TAF3: variants seen among roughly 807,000 people sequenced by gnomAD.
TAF3 encodes transcription initiation factor TFIID subunit 3.
Under a neutral mutation model 80.6 loss-of-function variants are expected in TAF3, and 7 were observed. The observed-to-expected ratio is 0.09, with a 90% CI of 0.05 to 0.16. The LOEUF (loss-of-function observed/expected upper bound fraction) is 0.16, where lower values mean the gene tolerates loss of function less well. Ranked by LOEUF, TAF3 falls within the 10% of genes least tolerant of loss-of-function variation. TAF3 has a pLI of 1.00. For synonymous variants in TAF3, 444 were observed against 446.1 expected (o/e 1.00, Z 0.06); for missense variants, 921 against 1,140.2 (o/e 0.81, Z 2.77).
chr10:8,007,808 A>G (rs12778847), intron 4 of TAF3, among the ~76,000 whole-genome samples: 9,221 of 151,736 alleles, frequency 0.061, 354 homozygotes, highest in South Asian at 0.14. Flanking sequence ...TGCCTAGTAT[A>G]ACCTCTAACT....
intron 2 of TAF3, among the ~76,000 whole-genome samples, chr10:7,897,023 A>G (rs1034367113): frequency 6.6e-6 from 1 of 152,212 alleles, no homozygotes; most frequent in Admixed American, 6.5e-5. Flanking sequence ...ATTCTTGACC[A>G]CATGGTCCCT....
At chr10:7,857,289 A>T (rs1194780290) in intron 2 of TAF3, among the ~76,000 whole-genome samples, 1 of 152,226 alleles carries the variant, frequency 6.6e-6, no homozygotes, top group African/African-American at 2.4e-5. Flanking sequence ...TTATAAATGT[A>T]ATCTACATTT....
intron 2 of TAF3, among the ~76,000 whole-genome samples, chr10:7,922,610 T>G (rs1164969064): frequency 1.3e-5 from 2 of 152,090 alleles, no homozygotes; most frequent in Non-Finnish European, 2.9e-5. Context: ...GACTGAGACT[T>G]GATTGTTGAC....
intron 3 of TAF3, among the ~76,000 whole-genome samples, chr10:7,975,899 C>G (rs12218807): frequency 6.6e-6 from 1 of 152,124 alleles, no homozygotes; most frequent in Non-Finnish European, 1.5e-5. Context: ...TAGTCAGTGA[C>G]TAACAGTAAA....
chr10:7,950,708 G>T (rs188601438), intron 2 of TAF3, among the ~76,000 whole-genome samples: 1 of 152,300 alleles, frequency 6.6e-6, no homozygotes, highest in Non-Finnish European at 1.5e-5. Context: ...AAATTCAGTC[G>T]CATGCGTTGC....
chr10:8,005,610 A>T (rs1275808940), intron 4 of TAF3, among the ~76,000 whole-genome samples: 1 of 152,200 alleles, frequency 6.6e-6, no homozygotes, highest in Non-Finnish European at 1.5e-5. Flanking sequence ...TAATGCGTAA[A>T]TGCCCTTGGG....
rs149736497 is a variant in TAF3, at chr10:7,861,282, A to G, written c.409+36722A>G. The stretch of plus-strand genomic sequence containing the variant: ...CCGGCCCTGCACGGCTAATTTTTGT[A>G]TTTTTAGTAGAGATGGGGTTTCACT... On this transcript the variant is annotated intron_variant, in intron 2 of 6. Coordinates refer to ENST00000344293, the MANE Select transcript of TAF3 (RefSeq NM_031923.4). 4.5e-4 allele frequency among the ~76,000 whole-genome samples: 69 copies of G among 151,760 alleles called. No homozygotes were observed. The East Asian group carries it at 0.013, about 28-fold the overall frequency.
At chr10:7,858,039 T>G (rs544854630) in intron 2 of TAF3, among the ~76,000 whole-genome samples, 1 of 151,606 alleles carries the variant, frequency 6.6e-6, no homozygotes, top group African/African-American at 2.4e-5. Flanking sequence ...TACAAAGAGG[T>G]TTGAACGGCC....
chr10:7,877,002 T>C (rs568449419), intron 2 of TAF3, among the ~76,000 whole-genome samples: 1 of 151,698 alleles, frequency 6.6e-6, no homozygotes, highest in South Asian at 2.1e-4. Context: ...TTTACTCAAA[T>C]TGCCCACTTT....
intron 2 of TAF3, among the ~76,000 whole-genome samples, chr10:7,885,612 T>C (rs1837402613): frequency 6.6e-6 from 1 of 152,240 alleles, no homozygotes. Context: ...ATTTATTTTC[T>C]CCTTTGCATC....
chr10:7,956,435 C>T (rs1334990824), intron 2 of TAF3, among the ~76,000 whole-genome samples: 2 of 152,060 alleles, frequency 1.3e-5, no homozygotes, highest in African/African-American at 4.8e-5. Flanking sequence ...TGCAGTGAAC[C>T]GGAATCATGC....
intron 2 of TAF3, among the ~76,000 whole-genome samples, chr10:7,836,860 CTT>C (rs750352733): frequency 6.6e-6 from 1 of 152,244 alleles, no homozygotes; most frequent in Non-Finnish European, 1.5e-5. Context: ...TTATAAAACA[CTT>C]TGTTGGCTCT....
intron 1 of TAF3, among the ~76,000 whole-genome samples, chr10:7,819,682 G>A (rs1836670536): frequency 6.6e-6 from 1 of 150,682 alleles, no homozygotes; most frequent in East Asian, 1.9e-4. Context: ...TCTTGTTGAT[G>A]TGAAGCATTG....
chr10:7,971,807 G>A (rs1047709679), intron 3 of TAF3, among the ~76,000 whole-genome samples: 51 of 152,124 alleles, frequency 3.4e-4, no homozygotes, highest in Non-Finnish European at 1.2e-4. Flanking sequence ...GGTGTGTGGC[G>A]AAGAAGCTAA....
intron 2 of TAF3, among the ~76,000 whole-genome samples, chr10:7,919,207 G>C (rs542859704): frequency 1.3e-5 from 2 of 152,200 alleles, no homozygotes; most frequent in African/African-American, 2.4e-5. Flanking sequence ...TTCTGGCTAA[G>C]GTAATGGGGG....
At chr10:7,923,079 A>G (rs914391401) in intron 2 of TAF3, among the ~76,000 whole-genome samples, 12 of 152,098 alleles carry the variant, frequency 7.9e-5, no homozygotes, top group African/African-American at 2.9e-4. Flanking sequence ...CTATATGAAT[A>G]AACAAAAGTC....
chr10:7,833,570 C>A, intron 2 of TAF3: 1 of 156,268 alleles, frequency 6.4e-6, no homozygotes. Context: ...TTTTTGGGGA[C>A]CCAGCAATAC....
chr10:8,016,043 CTATT>C lies in TAF3; in HGVS notation c.*1297_*1300del, dbSNP rs1396273084. On this transcript the variant is annotated 3_prime_UTR_variant, in exon 7 of 7. Transcript: ENST00000344293. Reference sequence around the variant, plus strand: ...CTTTATTATATTATTATACTGCCCACTATTTATTATATGTTATAGATGTCTGAGA... The same window carrying C: ...CTTTATTATATTATTATACTGCCCACTATTATATGTTATAGATGTCTGAGA... 3 of 151,958 alleles carry C rather than the reference CTATT, an allele frequency of 2.0e-5. No homozygotes were observed. The highest frequency in any genetic ancestry group is 1.9e-4 in the East Asian group (1 of 5,206). The allele number at this position is 151,958 out of a possible 1,614,324, so 9.4% of individuals were successfully genotyped here. A position where few individuals can be genotyped will look rare whatever the true frequency, so the allele number is the denominator to read the frequency against.
chr10:7,946,028 C>T (rs1838020949), intron 2 of TAF3, among the ~76,000 whole-genome samples: 1 of 152,228 alleles, frequency 6.6e-6, no homozygotes, highest in African/African-American at 2.4e-5. Context: ...ACACCTGACC[C>T]TGACTGTCCT....
Sources: gnomAD v4.1 joint callset for allele counts (sites outside exome capture counted in the v4.1 genomes callset) on GRCh38, gnomAD v4.1.1 for gene constraint, MANE v1.5 for transcripts, NCBI Gene and HGNC (gene_info 2026-07-23, HGNC 2026-07-21) for gene names.